OTUD7A: variants seen among roughly 807,000 people sequenced by gnomAD.
OTUD7A encodes the protein OTU deubiquitinase 7A.
OTUD7A carries 12 observed loss-of-function variants against 65.7 expected under a neutral mutation model. The ratio of observed to expected loss-of-function variants is 0.18; its 90% confidence interval spans 0.12 to 0.30. The LOEUF (loss-of-function observed/expected upper bound fraction) is 0.30. OTUD7A is among the 10% of genes least tolerant of loss of function. The pLI is 1.00. For synonymous variants in OTUD7A, 641 were observed against 586.3 expected (o/e 1.09, Z -1.35); for missense variants, 1,148 against 1,304.8 (o/e 0.88, Z 1.85).
intron 9 of OTUD7A, among the ~76,000 whole-genome samples, chr15:31,503,226 C>G (rs577731983): frequency 1.3e-5 from 2 of 152,248 alleles, no homozygotes; most frequent in Non-Finnish European, 2.9e-5. Flanking sequence ...CTGCCCTTGC[C>G]TCTTTCTCTG....
chr15:31,847,699 C>T (rs534267463), intron 1 of OTUD7A, among the ~76,000 whole-genome samples: 88 of 152,246 alleles, frequency 5.8e-4, no homozygotes, highest in African/African-American at 2.0e-3. Flanking sequence ...AGTCCATTCA[C>T]GCACTGGTAT....
intron 1 of OTUD7A, among the ~76,000 whole-genome samples, chr15:31,716,992 A>G (rs1893605442): frequency 6.6e-6 from 1 of 152,258 alleles, no homozygotes; most frequent in African/African-American, 2.4e-5. Flanking sequence ...TTGCAAAAAT[A>G]GTATACAGAA....
In OTUD7A at chr15:31,542,824, C is replaced by CA. The variant is rs538820671; in HGVS notation, c.551-12017dup. On this transcript the variant is annotated intron_variant, in intron 5 of 12. Coordinates refer to ENST00000307050, the MANE Select transcript of OTUD7A (RefSeq NM_001382637.1). The stretch of plus-strand genomic sequence containing the variant: ...CAAAGGAACAATGGAAAGAAGAAGC[C>CA]AAAAAAAAAAAAATCTTCAATGTGC... 4.0e-3 allele frequency among the ~76,000 whole-genome samples: 531 copies of CA among 132,418 alleles called. 2 individuals carry two copies. The highest frequency in any genetic ancestry group is 8.1e-3 in the African/African-American group (307 of 37,876). The allele number at this position is 132,418 out of a possible 152,430, so 86.9% of individuals were successfully genotyped here.
chr15:31,663,284 A>ACACACACACACAC (rs1453925947), intron 1 of OTUD7A, among the ~76,000 whole-genome samples: 1 of 97,000 alleles, frequency 1.0e-5, no homozygotes, highest in African/African-American at 5.2e-5. Flanking sequence ...CACACACACA[A>ACACACACACACAC]GTTTTTAAAA....
intron 3 of OTUD7A, among the ~76,000 whole-genome samples, chr15:31,627,078 A>C (rs2141244328): frequency 6.6e-6 from 1 of 151,990 alleles, no homozygotes; most frequent in African/African-American, 2.4e-5. Context: ...TAGGGTGGCT[A>C]TGGCAACTTC....
chr15:31,768,264 G>C (rs573409690), intron 1 of OTUD7A: 23 of 769,114 alleles, frequency 3.0e-5, no homozygotes, highest in Non-Finnish European at 5.4e-5. Flanking sequence ...CCAGCAGCCC[G>C]GGCAGCGGCG....
At chr15:31,533,715 T>C (rs1165417920) in intron 5 of OTUD7A, among the ~76,000 whole-genome samples, 3 of 152,172 alleles carry the variant, frequency 2.0e-5, no homozygotes. Flanking sequence ...CATTTTGGCA[T>C]ATAAAGAAGG....
At chr15:31,649,838 GA>G in intron 3 of OTUD7A, 1 of 384,876 alleles carries the variant, frequency 2.6e-6, no homozygotes, top group Non-Finnish European at 5.5e-6. Context: ...TGCTGATGCA[GA>G]AAGGAGACCA....
chr15:31,596,747 T>C (rs1889915517), intron 3 of OTUD7A, among the ~76,000 whole-genome samples: 1 of 152,222 alleles, frequency 6.6e-6, no homozygotes, highest in African/African-American at 2.4e-5. Context: ...AATTTCCTCA[T>C]GTGCTTACTG....
chr15:31,622,739 C>A (rs866518640), intron 3 of OTUD7A, among the ~76,000 whole-genome samples: 1 of 151,510 alleles, frequency 6.6e-6, no homozygotes, highest in Non-Finnish European at 1.5e-5. Context: ...AAAGTTTGAT[C>A]GTCTGAAGCC....
chr15:31,480,951 A>T lies in OTUD7A; in HGVS notation c.*2343T>A, dbSNP rs1595545228. On this transcript the variant is annotated 3_prime_UTR_variant, in exon 13 of 13. Transcript: ENST00000307050. The stretch of plus-strand genomic sequence containing the variant: ...TCTGTCATCAGATGGTGATGGGTGG[A>T]GGTAACTTGGAAATGCAAGGGTAGA... 2.0e-5 allele frequency: 3 copies of T among 152,352 alleles called. No homozygotes were observed. Among genetic ancestry groups the T allele is most frequent in the African/African-American group, 7.2e-5 (3 of 41,578 alleles). The allele number at this position is 152,352 out of a possible 1,614,324, so 9.4% of individuals were successfully genotyped here.
At position 31,479,766 on chromosome 15, in the gene OTUD7A, C is replaced by G. The variant is rs2041089120; in HGVS notation, c.*3528G>C. 6.6e-6 allele frequency: 1 copy of G among 151,824 alleles called. No homozygotes were observed. The highest frequency in any genetic ancestry group is 1.5e-5 in the Non-Finnish European group (1 of 68,004). 9.4% of individuals were successfully genotyped at this position (151,824 alleles called of 1,614,324 possible). A position where few individuals can be genotyped will look rare whatever the true frequency, so the allele number is the denominator to read the frequency against. ...TGTGCACCTGGGGGGCATGGAGAGT[C>G]CTTTTATCTTCAGCACCCCCAATTC... On this transcript the variant is annotated 3_prime_UTR_variant, in exon 13 of 13. Transcript: ENST00000307050.
intron 1 of OTUD7A, among the ~76,000 whole-genome samples, chr15:31,802,129 G>GTATATA (rs1228096344): frequency 5.9e-5 from 8 of 135,380 alleles, no homozygotes; most frequent in African/African-American, 2.2e-4. Flanking sequence ...GTGTGTGTGT[G>GTATATA]TGTGTGTGTG....
chr15:31,749,603 T>C (rs1479875540), intron 1 of OTUD7A, among the ~76,000 whole-genome samples: 1 of 152,184 alleles, frequency 6.6e-6, no homozygotes, highest in African/African-American at 2.4e-5. Flanking sequence ...AACATCACAC[T>C]GAATGGGCAA....
chr15:31,755,001 G>C (rs1376084233), intron 1 of OTUD7A, among the ~76,000 whole-genome samples: 1 of 151,908 alleles, frequency 6.6e-6, no homozygotes, highest in Non-Finnish European at 1.5e-5. Context: ...GAGTGAGAGA[G>C]ACAGAGAGAG....
At chr15:31,611,577 G>A (rs1890422411) in intron 3 of OTUD7A, among the ~76,000 whole-genome samples, 1 of 151,978 alleles carries the variant, frequency 6.6e-6, no homozygotes, top group East Asian at 1.9e-4. Flanking sequence ...ATAAATTCCT[G>A]GAAAAATACA....
At chr15:31,778,729 G>GTC (rs932193725) in intron 1 of OTUD7A, among the ~76,000 whole-genome samples, 98 of 151,592 alleles carry the variant, frequency 6.5e-4, no homozygotes, top group African/African-American at 2.1e-3. Context: ...AGATGTGTGT[G>GTC]TCTCTCTCTC....
intron 3 of OTUD7A, among the ~76,000 whole-genome samples, chr15:31,597,477 T>C (rs1213322712): frequency 6.6e-6 from 1 of 151,372 alleles, no homozygotes; most frequent in East Asian, 1.9e-4. Flanking sequence ...GGCCCTCCTT[T>C]TTTTTTTTTT....
At chr15:31,867,804 G>T (rs1262148756) in intron 1 of OTUD7A, among the ~76,000 whole-genome samples, 1 of 152,128 alleles carries the variant, frequency 6.6e-6, no homozygotes, top group Admixed American at 6.5e-5. Context: ...CTCTGCTAGG[G>T]AGGCCTACAT....
Sources: gnomAD v4.1 joint callset for allele counts (sites outside exome capture counted in the v4.1 genomes callset) on GRCh38, gnomAD v4.1.1 for gene constraint, MANE v1.5 for transcripts, NCBI Gene and HGNC (gene_info 2026-07-23, HGNC 2026-07-21) for gene names.